Variants in ENTREP2 observed in about 807,000 individuals in gnomAD.
The protein encoded by ENTREP2 is protein ENTREP2.
chr15:29,335,957 C>A, the ENTREP2 span, among the ~76,000 whole-genome samples: 1 of 151,826 alleles, frequency 6.6e-6, no homozygotes, highest in Non-Finnish European at 1.5e-5. Context: ...CTGGCTAACA[C>A]GGTGAAACCC....
At chr15:29,486,756 A>G in the ENTREP2 span, among the ~76,000 whole-genome samples, 1 of 152,154 alleles carries the variant, frequency 6.6e-6, no homozygotes, top group Non-Finnish European at 1.5e-5. Flanking sequence ...AGCCTGAAGG[A>G]TATTATGTTA....
At chr15:29,135,311 T>A in the ENTREP2 span, among the ~76,000 whole-genome samples, 1 of 152,098 alleles carries the variant, frequency 6.6e-6, no homozygotes, top group Non-Finnish European at 1.5e-5. The surrounding 1 kb of genome is among the most constrained non-coding windows in gnomAD (Gnocchi z 7.4). Context: ...TGTTCATGGA[T>A]GATATCCTAA....
the ENTREP2 span, among the ~76,000 whole-genome samples, chr15:29,297,779 C>A: frequency 3.3e-5 from 5 of 152,074 alleles, no homozygotes; most frequent in African/African-American, 1.2e-4. Flanking sequence ...ATCAGTGAAT[C>A]CATGCGGGGT....
the ENTREP2 span, among the ~76,000 whole-genome samples, chr15:29,491,264 C>T: frequency 6.6e-6 from 1 of 152,178 alleles, no homozygotes; most frequent in African/African-American, 2.4e-5. Flanking sequence ...CCCTCCACAC[C>T]TCCCCGTAAG....
the ENTREP2 span, among the ~76,000 whole-genome samples, chr15:29,545,356 C>CATG: frequency 5.3e-5 from 8 of 152,152 alleles, no homozygotes; most frequent in African/African-American, 1.9e-4. Flanking sequence ...AGGTCAAGAA[C>CATG]ATGAGCATGG....
chr15:29,657,671 C>T, the ENTREP2 span, among the ~76,000 whole-genome samples: 71 of 151,990 alleles, frequency 4.7e-4, no homozygotes, highest in East Asian at 1.9e-4. Context: ...TTTTACAGAG[C>T]GCCGATTGGT....
chr15:29,664,479 T>G, the ENTREP2 span, among the ~76,000 whole-genome samples: 264 of 151,802 alleles, frequency 1.7e-3, no homozygotes, highest in African/African-American at 6.2e-3. Flanking sequence ...TCCTGCGCAC[T>G]GCCTGATGTT....
At chr15:29,657,852 T>C in the ENTREP2 span, among the ~76,000 whole-genome samples, 1 of 152,130 alleles carries the variant, frequency 6.6e-6, no homozygotes, top group Non-Finnish European at 1.5e-5. Flanking sequence ...ATACTATCTA[T>C]AGTGTGTGTA....
At chr15:29,514,395 T>G in the ENTREP2 span, among the ~76,000 whole-genome samples, 1 of 152,230 alleles carries the variant, frequency 6.6e-6, no homozygotes, top group Non-Finnish European at 1.5e-5. Context: ...ATTTCCTTCC[T>G]TTTGAAGACT....
chr15:29,295,527 C>G, the ENTREP2 span, among the ~76,000 whole-genome samples: 1 of 152,200 alleles, frequency 6.6e-6, no homozygotes, highest in Non-Finnish European at 1.5e-5. Flanking sequence ...TGGTACCAAA[C>G]CCTACGCAGC....
the ENTREP2 span, among the ~76,000 whole-genome samples, chr15:29,618,575 G>A: frequency 6.6e-6 from 1 of 152,298 alleles, no homozygotes; most frequent in East Asian, 1.9e-4. Context: ...AGAAATCAAT[G>A]CGAAAACCTT....
the ENTREP2 span, among the ~76,000 whole-genome samples, chr15:29,325,376 T>C: frequency 3.0e-4 from 45 of 151,316 alleles, no homozygotes; most frequent in African/African-American, 1.1e-3. Context: ...ATAGAGAAAA[T>C]TAGACTCAGA....
At chr15:29,184,443 G>A in the ENTREP2 span, among the ~76,000 whole-genome samples, 11 of 152,158 alleles carry the variant, frequency 7.2e-5, no homozygotes, top group Non-Finnish European at 1.3e-4. Context: ...CCTAGTCTCC[G>A]TCTCCTACTA....
At chr15:29,629,272 AT>A in the ENTREP2 span, among the ~76,000 whole-genome samples, 1 of 152,184 alleles carries the variant, frequency 6.6e-6, no homozygotes, top group South Asian at 2.1e-4. Flanking sequence ...CACTAATTAT[AT>A]TTTACAGAGA....
chr15:29,227,006 G>A, the ENTREP2 span, among the ~76,000 whole-genome samples: 30 of 152,248 alleles, frequency 2.0e-4, no homozygotes. Flanking sequence ...AGCAGCGTCT[G>A]CTGTGAATAT....
chr15:29,643,507 GCA>G, the ENTREP2 span, among the ~76,000 whole-genome samples: 5,692 of 152,234 alleles, frequency 0.037, 330 homozygotes, highest in African/African-American at 0.12. Context: ...AAGAGGCTGG[GCA>G]CAGTGGCTCA....
At chr15:29,455,812 C>A in the ENTREP2 span, among the ~76,000 whole-genome samples, 2 of 152,082 alleles carry the variant, frequency 1.3e-5, no homozygotes, top group Non-Finnish European at 2.9e-5. Context: ...CCTGTCAGAT[C>A]AGCAGCAGCA....
the ENTREP2 span, among the ~76,000 whole-genome samples, chr15:29,224,581 C>T: frequency 1.3e-5 from 2 of 152,252 alleles, no homozygotes; most frequent in African/African-American, 4.8e-5. Context: ...TTCTCCACCT[C>T]CTCACTAGAT....
At chr15:29,145,363 C>A in the ENTREP2 span, among the ~76,000 whole-genome samples, 1 of 152,082 alleles carries the variant, frequency 6.6e-6, no homozygotes, top group Non-Finnish European at 1.5e-5. Context: ...TGGCTCATGC[C>A]TGTAATCCCA....
Sources: allele counts gnomAD v4.1 joint callset (sites outside exome capture counted in the v4.1 genomes callset), GRCh38; gene constraint gnomAD v4.1.1; non-coding constraint Gnocchi (gnomAD v3.1); transcripts MANE v1.5; gene names NCBI Gene and HGNC (gene_info 2026-07-23, HGNC 2026-07-21).